Variants in SLC12A9 observed in about 807,000 individuals in gnomAD.
The protein encoded by SLC12A9 is CCC-interacting protein 1.
SLC12A9 carries 55 observed loss-of-function variants against 66.0 expected under a neutral mutation model. That is an observed-to-expected ratio of 0.83 (90% CI 0.67 to 1.04). SLC12A9 has a LOEUF of 1.04. Ranked by LOEUF, SLC12A9 falls within the 50% of genes least tolerant of loss-of-function variation. The pLI, the probability that SLC12A9 is intolerant of heterozygous loss-of-function variation, is 0.00. For missense variants in SLC12A9, 1,061 were observed against 1,241.9 expected (o/e 0.85, Z 2.19); for synonymous variants, 577 against 569.0 (o/e 1.01, Z -0.20).
intron 1 of SLC12A9, among the ~76,000 whole-genome samples, chr7:100,834,418 G>A (rs1161129475): frequency 4.6e-5 from 7 of 152,170 alleles, no homozygotes; most frequent in Non-Finnish European, 5.9e-5. Flanking sequence ...TGTAGAGAAA[G>A]ATCCCACTTA....
chr7:100,847,212 C>T (rs1813937866), intron 1 of SLC12A9, among the ~76,000 whole-genome samples: 1 of 152,216 alleles, frequency 6.6e-6, no homozygotes, highest in South Asian at 2.1e-4. Context: ...GTTGGCCAGG[C>T]TGGTCCTAAA....
At chr7:100,859,749 C>T (rs1021849949) in intron 7 of SLC12A9, 136 bp from the exon 8 acceptor site, 1 of 1,101,234 alleles carries the variant, frequency 9.1e-7, no homozygotes, top group African/African-American at 1.6e-5. Flanking sequence ...GTGATTAAAT[C>T]CAAGGCTGCC....
At position 100,861,678 on chromosome 7, in the gene SLC12A9, C is replaced by G; in HGVS notation, c.1537-59C>G. On this transcript the variant is annotated intron_variant, in intron 11 of 13. Coordinates refer to ENST00000354161, the MANE Select transcript of SLC12A9 (RefSeq NM_020246.4). This position sits in a 1 kb window ranked among gnomAD's most constrained non-coding sequence, Gnocchi z 5.3. Reference sequence around the variant, plus strand: ...AGTTGGTGCTCCCGTCCAGGAGGCGCTGAACGGGGCTGTGCATTTGATCCT... The same window carrying G: ...AGTTGGTGCTCCCGTCCAGGAGGCGGTGAACGGGGCTGTGCATTTGATCCT... 1 of 1,611,318 alleles carries G rather than the reference C, an allele frequency of 6.2e-7. No homozygotes were observed. Among genetic ancestry groups the G allele is most frequent in the South Asian group, 1.1e-5 (1 of 91,028 alleles).
intron 5 of SLC12A9, chr7:100,858,271 G>A (rs1814518097): frequency 6.6e-6 from 1 of 152,372 alleles, no homozygotes; most frequent in African/African-American, 2.4e-5. Flanking sequence ...AATTAGCCAG[G>A]CGTGGTGGCG....
At chr7:100,853,258 T>TA (rs2116575595) in intron 1 of SLC12A9, 1 of 152,240 alleles carries the variant, frequency 6.6e-6, no homozygotes, top group Non-Finnish European at 1.5e-5. Context: ...CTCCTGCCCG[T>TA]AACTTACTTC....
rs1350084038 is a variant in SLC12A9, at chr7:100,857,058, T to C, written c.639T>C (p.Ala213=). 6.2e-7 allele frequency: 1 copy of C among 1,614,098 alleles called. No individual in the cohort carries two copies. The highest frequency in any genetic ancestry group is 8.5e-7 in the Non-Finnish European group (1 of 1,180,048). ...SLASVLISFV[A]VGPRDIRLTP... ...CCTCTGTGCTCATCAGTTTTGTGGCTGTGGGGCCGAGGGACATCCGCTTGA... is the reference window on the plus strand; with the variant it reads ...CCTCTGTGCTCATCAGTTTTGTGGCCGTGGGGCCGAGGGACATCCGCTTGA... Residue 213 remains alanine (A), a synonymous_variant, in exon 5 of 14, where the codon GCT becomes GCC. Transcript: ENST00000354161.
intron 1 of SLC12A9, among the ~76,000 whole-genome samples, chr7:100,853,720 C>A (rs2116579100): frequency 6.6e-6 from 1 of 151,606 alleles, no homozygotes; most frequent in African/African-American, 2.4e-5. Flanking sequence ...CACCTTCACG[C>A]TTGGCTAATT....
At chr7:100,855,542 G>A in intron 3 of SLC12A9, 164 bp from the exon 4 acceptor site, 1 of 839,246 alleles carries the variant, frequency 1.2e-6, no homozygotes, top group East Asian at 2.5e-5. Context: ...GGCAGTGATT[G>A]TTTTACAGAT....
chr7:100,840,491 A>G (rs1022418610), intron 1 of SLC12A9, among the ~76,000 whole-genome samples: 6 of 152,002 alleles, frequency 3.9e-5, no homozygotes, highest in South Asian at 2.1e-4. Flanking sequence ...GGTTACAGCT[A>G]GTTTTAGACC....
chr7:100,839,362 C>T (rs1813733108), intron 1 of SLC12A9, among the ~76,000 whole-genome samples: 1 of 152,072 alleles, frequency 6.6e-6, no homozygotes, highest in South Asian at 2.1e-4. Flanking sequence ...TCAGGGAGCT[C>T]GGCTCTTGAG....
rs369929139 is a variant in SLC12A9, at chr7:100,865,993, G to C, written c.2133G>C (p.Leu711=). 1.9e-6 allele frequency: 3 copies of C among 1,612,736 alleles called. No homozygotes were observed. The highest frequency in any genetic ancestry group is 1.7e-6 in the Non-Finnish European group (2 of 1,179,772). Reference sequence around the variant, plus strand: ...GCGGGGCCTTGCCCCCTGAGCGGCTGAGCCGGGGGTCTGGGGGCACCTCTC... The same window carrying C: ...GCGGGGCCTTGCCCCCTGAGCGGCTCAGCCGGGGGTCTGGGGGCACCTCTC... The part of the protein sequence containing the change: ...RASGALPPER[L]SRGSGGTSQL... Residue 711 remains leucine, a synonymous_variant, in exon 14 of 14, where the codon CTG becomes CTC. Coordinates refer to ENST00000354161, the MANE Select transcript of SLC12A9 (RefSeq NM_020246.4).
rs199828305 is a variant in SLC12A9 at position 100,862,820 on chromosome 7, C to A, written c.1851C>A (p.Ser617=). The stretch of plus-strand genomic sequence containing the variant: ...GGGCTCAGCATCTGCTGCGAATCTC[C>A]GGCCTCGGTGAGCTGCTTCTCCCTG... ...RQGAQHLLRI[S]GLGGMKPNTL... The change falls in exon 13 of 14, where the codon TCC becomes TCA. Residue 617 remains serine, a synonymous_variant. Transcript: ENST00000354161. 2.5e-6 allele frequency: 4 copies of A among 1,614,026 alleles called. No individual in the cohort carries two copies. In the Admixed American group the frequency reaches 5.0e-5, roughly 20 times the overall value.
intron 1 of SLC12A9, among the ~76,000 whole-genome samples, chr7:100,830,837 C>G (rs980174819): frequency 2.0e-5 from 3 of 152,116 alleles, no homozygotes; most frequent in Non-Finnish European, 4.4e-5. Context: ...CACTTCAATT[C>G]TCAGGAACCA....
rs1458453733 is a variant in SLC12A9 at position 100,860,159 on chromosome 7, T to C, written c.1145T>C (p.Leu382Ser). ...LARDDLFGVI[L>S]APAKVVSRGG... ...GATTCTGTTTTTCTAGGCGTGATCT[T>C]GGCACCGGCCAAGGTTGTGTCCCGA... The change falls in exon 9 of 14, where the codon TTG becomes TCG. Residue 382 changes from leucine (L) to serine (S), a missense_variant. Leu to Ser is a moderately radical substitution (Grantham distance 145). Coordinates refer to ENST00000354161, the MANE Select transcript of SLC12A9 (RefSeq NM_020246.4). 6.2e-7 allele frequency: 1 copy of C among 1,614,230 alleles called. No individual in the cohort carries two copies. The highest frequency in any genetic ancestry group is 8.5e-7 in the Non-Finnish European group (1 of 1,180,038).
At chr7:100,838,285 G>T (rs1813709770) in intron 1 of SLC12A9, among the ~76,000 whole-genome samples, 1 of 152,204 alleles carries the variant, frequency 6.6e-6, no homozygotes. Flanking sequence ...ATAGCACCCA[G>T]CCATGTGGTT....
At chr7:100,858,749 T>C in intron 5 of SLC12A9, 86 bp from the exon 6 acceptor site, 1 of 1,282,886 alleles carries the variant, frequency 7.8e-7, no homozygotes, top group Non-Finnish European at 1.1e-6. Flanking sequence ...AAGAGGACCG[T>C]GGGAATGTGT....
chr7:100,859,314 G>T, intron 7 of SLC12A9, 153 bp downstream of exon 7: 1 of 695,202 alleles, frequency 1.4e-6, no homozygotes, highest in South Asian at 1.7e-5. Flanking sequence ...GCCAGCAGCT[G>T]CCATGGACCC....
chr7:100,862,959 G>A, intron 13 of SLC12A9, 132 bp downstream of exon 13: 1 of 1,104,970 alleles, frequency 9.1e-7, no homozygotes, highest in Non-Finnish European at 1.3e-6. Context: ...AGATAAGACA[G>A]TGCTCAAAGA....
chr7:100,840,943 G>C (rs1367804815), intron 1 of SLC12A9, among the ~76,000 whole-genome samples: 2 of 151,730 alleles, frequency 1.3e-5, no homozygotes, highest in African/African-American at 4.8e-5. Flanking sequence ...AGTGACCCGC[G>C]GATGGCCCAA....
Sources: allele counts gnomAD v4.1 joint callset (sites outside exome capture counted in the v4.1 genomes callset), GRCh38; gene constraint gnomAD v4.1.1; non-coding constraint Gnocchi (gnomAD v3.1); transcripts MANE v1.5; gene names NCBI Gene and HGNC (gene_info 2026-07-23, HGNC 2026-07-21).